The following VPS33B variants were observed in gnomAD, a reference collection of about 807,000 sequenced individuals.
VPS33B encodes the protein vacuolar protein sorting-associated protein 33B.
Under a neutral mutation model 95.3 loss-of-function variants are expected in VPS33B, and 80 were observed. The ratio of observed to expected loss-of-function variants is 0.84; its 90% CI spans 0.70 to 1.01. VPS33B has a LOEUF of 1.01. Ranked by LOEUF, VPS33B falls within the 50% of genes least tolerant of loss-of-function variation. The pLI is 0.00. For missense variants in VPS33B, 715 were observed against 773.4 expected (o/e 0.92, Z 0.90); for synonymous variants, 280 against 280.4 (o/e 1.00, Z 0.01).
At position 91,006,633 on chromosome 15, in the gene VPS33B, A is replaced by C. The variant is rs1290438713; in HGVS notation, c.778+19T>G. 6.2e-7 allele frequency: 1 copy of C among 1,614,216 alleles called. No homozygotes were observed. The highest frequency in any genetic ancestry group is 1.3e-5 in the African/African-American group (1 of 75,070). ...TGACCCGTCCATCTTGCCAAGATGCAGAGGACCATAGCACTTACCACACTT... is the reference window on the plus strand; with the variant it reads ...TGACCCGTCCATCTTGCCAAGATGCCGAGGACCATAGCACTTACCACACTT... On this transcript the variant is annotated intron_variant, in intron 10 of 22. Transcript: ENST00000333371. The surrounding 1 kb of genome is among the most constrained non-coding windows in gnomAD (Gnocchi z 5.4).
At position 90,999,875 on chromosome 15, in the gene VPS33B, C is replaced by T; in HGVS notation, c.1657+25G>A. On this transcript the variant is annotated intron_variant, in intron 21 of 22. Transcript: ENST00000333371. This position sits in a 1 kb window ranked among gnomAD's most constrained non-coding sequence, Gnocchi z 5.1. ...ATCCAGCCCACCTCTCACTGCCAGCCTACCCCACTGTTAATGCCACATACC... is the reference window on the plus strand; with the variant it reads ...ATCCAGCCCACCTCTCACTGCCAGCTTACCCCACTGTTAATGCCACATACC... 6.2e-7 allele frequency: 1 copy of T among 1,614,192 alleles called. No homozygotes were observed. Among genetic ancestry groups the T allele is most frequent in the African/African-American group, 1.3e-5 (1 of 75,054 alleles).
intron 3 of VPS33B, 23 bp from the exon 4 acceptor site, chr15:91,014,456 A>C: frequency 6.2e-7 from 1 of 1,613,444 alleles, no homozygotes; most frequent in South Asian, 1.1e-5. Flanking sequence ...AAGAAAAAAA[A>C]ACAGTGAAGA....
chr15:91,017,940 T>C, intron 1 of VPS33B, 55 bp from the exon 2 acceptor site: 1 of 1,571,430 alleles, frequency 6.4e-7, no homozygotes. Context: ...CTTCCGCAGC[T>C]GAGAAGTGGC....
In VPS33B at chr15:91,000,549, C is replaced by T. The variant is rs977026766; in HGVS notation, c.1522G>A (p.Asp508Asn). The stretch of plus-strand genomic sequence containing the variant: ...GCACCACCGAAGACGTAAGCCATGT[C>T]TCGGGGCACTTTCAGATCATACTCG... Reference protein sequence around the residue: ...DGEYDLKVPRDMAYVFGGAYV... With the variant: ...DGEYDLKVPRNMAYVFGGAYV... The change falls in exon 20 of 23, where the codon GAC becomes AAC. Residue 508 changes from aspartate to asparagine, a missense_variant. By Grantham distance (23) the Asp-to-Asn change is conservative. Transcript: ENST00000333371. This position sits in a 1 kb window ranked among gnomAD's most constrained non-coding sequence, Gnocchi z 4.9. The T allele has an allele frequency of 1.2e-6, 2 of 1,613,650 alleles. No homozygotes were observed. Among genetic ancestry groups the T allele is most frequent in the Admixed American group, 1.7e-5 (1 of 59,994 alleles).
intron 6 of VPS33B, among the ~76,000 whole-genome samples, 162 bp from the exon 7 acceptor site, chr15:91,008,126 C>T (rs929298729): frequency 2.6e-5 from 4 of 152,242 alleles, no homozygotes; most frequent in African/African-American, 9.6e-5. Flanking sequence ...GAATAAGACA[C>T]AGTCCCTGCC....
Position 91,006,750 on chromosome 15 carries a change from C to G in VPS33B, c.701-21G>C, listed in dbSNP as rs1316491021. The G allele has an allele frequency of 1.9e-6, 3 of 1,613,940 alleles. No individual in the cohort carries two copies. The highest frequency in any genetic ancestry group is 1.3e-5 in the African/African-American group (1 of 74,882). On this transcript the variant is annotated intron_variant, in intron 9 of 22. Coordinates refer to ENST00000333371, the MANE Select transcript of VPS33B (RefSeq NM_018668.5). This position sits in a 1 kb window ranked among gnomAD's most constrained non-coding sequence, Gnocchi z 5.4. Reference sequence around the variant, plus strand: ...CACATCTGAAACAGAGATCCCTGACCATGAAGGTTCTCCCTGACCCAGCCT... The same window carrying G: ...CACATCTGAAACAGAGATCCCTGACGATGAAGGTTCTCCCTGACCCAGCCT...
At chr15:91,004,961 T>C in intron 15 of VPS33B, 30 bp from the exon 16 acceptor site, 1 of 1,614,188 alleles carries the variant, frequency 6.2e-7, no homozygotes, top group Middle Eastern at 1.6e-4. Flanking sequence ...CAAGGAGAAT[T>C]GAAGCTTCAC....
chr15:91,001,583 A>G lies in VPS33B; in HGVS notation c.1406-121T>C, dbSNP rs573327742. 246 of 832,084 alleles carry G rather than the reference A, an allele frequency of 3.0e-4. No homozygotes were observed. The African/African-American group carries it at 3.7e-3, about 12-fold the overall frequency. 51.5% of individuals were successfully genotyped at this position (832,084 alleles called of 1,614,324 possible). On this transcript the variant is annotated intron_variant, in intron 18 of 22. Coordinates refer to ENST00000333371, the MANE Select transcript of VPS33B (RefSeq NM_018668.5). Reference sequence around the variant, plus strand: ...ATCCAAAAACTCTCGGAAGCTGTTCAACTATAATTCCCTGGAACTAATCAA... The same window carrying G: ...ATCCAAAAACTCTCGGAAGCTGTTCGACTATAATTCCCTGGAACTAATCAA...
chr15:91,006,261 T>A lies in VPS33B; in HGVS notation c.852+111A>T. 2 of 1,510,878 alleles carry A rather than the reference T, an allele frequency of 1.3e-6. No homozygotes were observed. The highest frequency in any genetic ancestry group is 1.8e-6 in the Non-Finnish European group (2 of 1,087,812). The allele number at this position is 1,510,878 out of a possible 1,614,324, so 93.6% of individuals were successfully genotyped here. A position where few individuals can be genotyped will look rare whatever the true frequency, so the allele number is the denominator to read the frequency against. The stretch of plus-strand genomic sequence containing the variant: ...TGGGGAAACCCTCTCTCCCATAGAC[T>A]CAGCCTCCCCTCTCAGAGCTGGGGC... On this transcript the variant is annotated intron_variant, in intron 11 of 22. Transcript: ENST00000333371. The surrounding 1 kb of genome is among the most constrained non-coding windows in gnomAD (Gnocchi z 5.4).
At position 91,000,676 on chromosome 15, in the gene VPS33B, G is replaced by A; in HGVS notation, c.1480-85C>T. On this transcript the variant is annotated intron_variant, in intron 19 of 22. Coordinates refer to ENST00000333371, the MANE Select transcript of VPS33B (RefSeq NM_018668.5). The surrounding 1 kb of genome is among the most constrained non-coding windows in gnomAD (Gnocchi z 4.9). ...GGTCAGATAAAGTGGCATGGCCCAA[G>A]GAACAATTCTTATTTCAACTAAAGG... 8.5e-7 allele frequency: 1 copy of A among 1,179,542 alleles called. No individual in the cohort carries two copies. The highest frequency in any genetic ancestry group is 1.2e-6 in the Non-Finnish European group (1 of 810,014). 73.1% of individuals were successfully genotyped at this position (1,179,542 alleles called of 1,614,324 possible).
At position 91,013,150 on chromosome 15, in the gene VPS33B, G is replaced by C. The variant is rs1331715098; in HGVS notation, c.357+654C>G. Among the ~76,000 whole-genome samples, 1 of 152,174 alleles carries C rather than the reference G, an allele frequency of 6.6e-6. No individual in the cohort carries two copies. ...TACTAGAGTTTGTGTTAGGGATACA[G>C]AGCAGGTTCTACCTCGCAAGCGTGA... On this transcript the variant is annotated intron_variant, in intron 5 of 22. Coordinates refer to ENST00000333371, the MANE Select transcript of VPS33B (RefSeq NM_018668.5). This position sits in a 1 kb window ranked among gnomAD's most constrained non-coding sequence, Gnocchi z 4.5.
At chr15:91,008,622 G>C (rs2040685208) in intron 6 of VPS33B, among the ~76,000 whole-genome samples, 1 of 152,162 alleles carries the variant, frequency 6.6e-6, no homozygotes, top group South Asian at 2.1e-4. Flanking sequence ...AGGACTGTAT[G>C]AACACCAGAG....
rs372898971 is a variant in VPS33B at position 91,006,903 on chromosome 15, G to T, written c.700+47C>A. On this transcript the variant is annotated intron_variant, in intron 9 of 22. Transcript: ENST00000333371. The surrounding 1 kb of genome is among the most constrained non-coding windows in gnomAD (Gnocchi z 5.4). The stretch of plus-strand genomic sequence containing the variant: ...TTGCCACCACGCCTTCCATATTCCC[G>T]TGTCTTCTAGGGCTGAAAGATGACA... 10 of 1,610,030 alleles carry T rather than the reference G, an allele frequency of 6.2e-6. No homozygotes were observed. The Middle Eastern group carries it at 6.6e-4, about 106-fold the overall frequency.
At position 91,009,637 on chromosome 15, in the gene VPS33B, C is replaced by G. The variant is rs1482007984; in HGVS notation, c.403+164G>C. 1.3e-5 allele frequency among the ~76,000 whole-genome samples: 2 copies of G among 149,556 alleles called. No individual in the cohort carries two copies. The highest frequency in any genetic ancestry group is 4.9e-5 in the African/African-American group (2 of 40,532). ...AGTGTTCTAATTCGTGGTCCTATTC[C>G]CATTCCCATTCTCAGGAACCTCTCC... On this transcript the variant is annotated intron_variant, in intron 6 of 22. Transcript: ENST00000333371. The surrounding 1 kb of genome is among the most constrained non-coding windows in gnomAD (Gnocchi z 4.1).
chr15:91,004,264 C>T lies in VPS33B; in HGVS notation c.1225+613G>A, dbSNP rs1297368193. 2.6e-5 allele frequency among the ~76,000 whole-genome samples: 4 copies of T among 151,044 alleles called. 1 individual carries two copies. Among genetic ancestry groups the T allele is most frequent in the Non-Finnish European group, 5.9e-5 (4 of 67,782 alleles). ...AGAAAAAGAAAAAGAAGGCAACCTT[C>T]AAGAATATTCACCAACTAGAAGACT... On this transcript the variant is annotated intron_variant, in intron 16 of 22. Coordinates refer to ENST00000333371, the MANE Select transcript of VPS33B (RefSeq NM_018668.5).
In VPS33B at chr15:91,012,171, A is replaced by G. The variant is rs147913311; in HGVS notation, c.357+1633T>C. Among the ~76,000 whole-genome samples the G allele has an allele frequency of 2.7e-4, 41 of 152,160 alleles. 1 individual carries two copies. In the East Asian group the frequency reaches 7.9e-3, roughly 29 times the overall value. On this transcript the variant is annotated intron_variant, in intron 5 of 22. Transcript: ENST00000333371. ...ACCTATAATTCTGAGTGGTTGTCCT[A>G]CTCAATAATTTCTTGCCCTGGTAAT...
At chr15:91,016,473 T>C (rs1276897954) in intron 3 of VPS33B, among the ~76,000 whole-genome samples, 1 of 136,470 alleles carries the variant, frequency 7.3e-6, no homozygotes, top group Non-Finnish European at 1.5e-5. Context: ...ACTCATCGCC[T>C]CCCGGGTTCA....
Position 91,015,208 on chromosome 15 carries a change from T to C in VPS33B, c.240-775A>G, listed in dbSNP as rs1000089160. On this transcript the variant is annotated intron_variant, in intron 3 of 22. Coordinates refer to ENST00000333371, the MANE Select transcript of VPS33B (RefSeq NM_018668.5). This position sits in a 1 kb window ranked among gnomAD's most constrained non-coding sequence, Gnocchi z 4.7. ...AAAATTGGCTGGGCATGGTGGCGCA[T>C]GTCTGTAATCCCAGCTACGCAGGAG... Among the ~76,000 whole-genome samples the C allele has an allele frequency of 1.3e-5, 2 of 150,184 alleles. No individual in the cohort carries two copies. The highest frequency in any genetic ancestry group is 2.5e-5 in the African/African-American group (1 of 40,602).
rs866899712 is a variant in VPS33B at position 91,015,153 on chromosome 15, T to A, written c.240-720A>T. ...GAGTTTGAGACCAGCCCAGCCAACA[T>A]GGTGAAACCCCGTCTCTACTAAAAA... On this transcript the variant is annotated intron_variant, in intron 3 of 22. Transcript: ENST00000333371. This position sits in a 1 kb window ranked among gnomAD's most constrained non-coding sequence, Gnocchi z 4.7. 6.6e-6 allele frequency among the ~76,000 whole-genome samples: 1 copy of A among 150,824 alleles called. No homozygotes were observed. The highest frequency in any genetic ancestry group is 1.5e-5 in the Non-Finnish European group (1 of 67,802).
Sources: gnomAD v4.1 joint callset for allele counts (sites outside exome capture counted in the v4.1 genomes callset) on GRCh38, gnomAD v4.1.1 for gene constraint, Gnocchi (gnomAD v3.1) non-coding constraint, MANE v1.5 for transcripts, NCBI Gene and HGNC (gene_info 2026-07-23, HGNC 2026-07-21) for gene names.